NAV3: variants seen among roughly 807,000 people sequenced by gnomAD.
NAV3 encodes the protein neuron navigator 3.
NAV3 carries 87 observed loss-of-function variants against 244.7 expected under a neutral mutation model. The observed-to-expected ratio is 0.36, with a 90% CI of 0.30 to 0.42. The LOEUF (loss-of-function observed/expected upper bound fraction) is 0.42. Among genes scored for constraint, NAV3 ranks in the 20% least tolerant of loss-of-function variants. The pLI is 1.00. For missense variants in NAV3, 2,663 were observed against 2,893.3 expected, an observed-to-expected ratio of 0.92 and a Z score of 1.83; for synonymous variants, 1,126 against 1,042.2, an observed-to-expected ratio of 1.08 and a Z score of -1.55.
At chr12:77,587,337 C>T (rs763827676) in intron 2 of NAV3, among the ~76,000 whole-genome samples, 1 of 152,036 alleles carries the variant, frequency 6.6e-6, no homozygotes, top group African/African-American at 2.4e-5. Flanking sequence ...CCATAAAATA[C>T]TTACAAAAAT....
rs79604078 is a variant in NAV3, at chr12:77,593,155, G to A, written c.72+20889G>A. On this transcript the variant is annotated intron_variant, in intron 2 of 8. Coordinates refer to the NAV3 transcript ENST00000550042. ...GAAGAGAAACCCAAATCAACCCATG[G>A]GTGTCTAAAAATGATTATAGTTTAA... 8.5e-3 allele frequency among the ~76,000 whole-genome samples: 1,295 copies of A among 151,894 alleles called. 15 individuals are homozygous for A. The highest frequency in any genetic ancestry group is 0.029 in the African/African-American group (1,206 of 41,408).
intron 23 of NAV3, among the ~76,000 whole-genome samples, chr12:78,167,530 A>G (rs559010473): frequency 4.7e-5 from 7 of 148,678 alleles, no homozygotes; most frequent in African/African-American, 1.7e-4. Flanking sequence ...TTTTTTTTTT[A>G]AAGTGTCTAA....
chr12:78,119,771 T>A lies in NAV3; in HGVS notation c.3575T>A (p.Val1192Asp), dbSNP rs1471546561. The A allele has an allele frequency of 6.2e-7, 1 of 1,614,010 alleles. No homozygotes were observed. Among genetic ancestry groups the A allele is most frequent in the Non-Finnish European group, 8.5e-7 (1 of 1,179,990 alleles). ...ATTGGGTCAGGGCGCTCGAGTCCTGTCACCGTCAACCAAACAGACAAGGAA... is the reference window on the plus strand; with the variant it reads ...ATTGGGTCAGGGCGCTCGAGTCCTGACACCGTCAACCAAACAGACAAGGAA... ...TKIGSGRSSP[V>D]TVNQTDKEKE... Residue 1192 changes from valine to aspartate, a missense_variant, in exon 15 of 40, where the codon GTC becomes GAC. Physicochemically the swap from Val to Asp is radical, Grantham distance 152. This residue lies in a region of NAV3 where 1,521 missense variants were observed against 1,497.0 expected (regional missense o/e 1.02). Transcript: ENST00000397909.
At chr12:77,590,286 G>A (rs1869847464) in intron 2 of NAV3, among the ~76,000 whole-genome samples, 1 of 152,160 alleles carries the variant, frequency 6.6e-6, no homozygotes, top group Non-Finnish European at 1.5e-5. Context: ...CTCCTGGCCT[G>A]CCTTTGGCTT....
At chr12:78,170,188 A>C (rs1260519636) in intron 24 of NAV3, among the ~76,000 whole-genome samples, 1 of 151,638 alleles carries the variant, frequency 6.6e-6, no homozygotes, top group Non-Finnish European at 1.5e-5. Flanking sequence ...TCTTAAACCT[A>C]ACTTCTCCAA....
At chr12:77,789,160 A>G (rs1165072602) in intron 2 of NAV3, among the ~76,000 whole-genome samples, 2 of 152,140 alleles carry the variant, frequency 1.3e-5, no homozygotes, top group Non-Finnish European at 2.9e-5. Context: ...AATTTCCCTT[A>G]ATCAGATCCA....
rs540303583 is a variant in NAV3, at chr12:77,913,546, A to G, written c.244-26773A>G. Among the ~76,000 whole-genome samples, 489 of 152,208 alleles carry G rather than the reference A, an allele frequency of 3.2e-3. 1 individual carries two copies. The highest frequency in any genetic ancestry group is 5.3e-3 in the Non-Finnish European group (359 of 67,982). Reference sequence around the variant, plus strand: ...TACTAGGCATTACTCTAAGAGTTGCATTACATACTATATTAACATAGTTTG... The same window carrying G: ...TACTAGGCATTACTCTAAGAGTTGCGTTACATACTATATTAACATAGTTTG... On this transcript the variant is annotated intron_variant, in intron 1 of 39. Transcript: ENST00000397909.
intron 12 of NAV3, among the ~76,000 whole-genome samples, chr12:78,084,069 T>C (rs972136146): frequency 6.6e-6 from 1 of 152,224 alleles, no homozygotes; most frequent in African/African-American, 2.4e-5. Context: ...ACTGATTTCA[T>C]AGTATGTTCA....
At chr12:77,640,166 G>A (rs1465076144) in intron 2 of NAV3, among the ~76,000 whole-genome samples, 2 of 152,086 alleles carry the variant, frequency 1.3e-5, no homozygotes, top group Non-Finnish European at 2.9e-5. Flanking sequence ...TAGAAAAGTA[G>A]AAGATTGTAA....
chr12:78,203,938 T>C (rs2140074498), intron 38 of NAV3, among the ~76,000 whole-genome samples: 1 of 152,126 alleles, frequency 6.6e-6, no homozygotes, highest in Middle Eastern at 3.4e-3. Flanking sequence ...TTAACATCTC[T>C]TGGATTTATC....
chr12:77,776,074 G>A (rs1870339917), intron 2 of NAV3, among the ~76,000 whole-genome samples: 1 of 152,116 alleles, frequency 6.6e-6, no homozygotes, highest in Non-Finnish European at 1.5e-5. Flanking sequence ...ATTGGGGAAG[G>A]CACAACCTGC....
At chr12:77,723,183 T>C (rs879445177) in intron 2 of NAV3, among the ~76,000 whole-genome samples, 22 of 151,984 alleles carry the variant, frequency 1.4e-4, no homozygotes, top group Non-Finnish European at 1.5e-4. Context: ...ACAATGGTAC[T>C]GGGAGATGGT....
chr12:78,173,996 G>A (rs1266468244), intron 24 of NAV3, among the ~76,000 whole-genome samples: 1 of 151,654 alleles, frequency 6.6e-6, no homozygotes, highest in Non-Finnish European at 1.5e-5. Context: ...CAGTAAATCA[G>A]TCAATTGAAG....
chr12:77,815,436 AG>A (rs1392901032), intron 2 of NAV3, among the ~76,000 whole-genome samples: 1 of 152,208 alleles, frequency 6.6e-6, no homozygotes, highest in Non-Finnish European at 1.5e-5. Flanking sequence ...TACAGCATAT[AG>A]ATTTTCAGGA....
chr12:77,849,103 CT>C (rs1877088465), intron 1 of NAV3, among the ~76,000 whole-genome samples: 2 of 152,056 alleles, frequency 1.3e-5, no homozygotes, highest in Admixed American at 1.3e-4. Flanking sequence ...ATCATTCAAG[CT>C]TCCCCCAATG....
At position 78,018,844 on chromosome 12, in the gene NAV3, C is replaced by T. The variant is rs57814969; in HGVS notation, c.1908-2903C>T. Among the ~76,000 whole-genome samples, 730 of 152,184 alleles carry T rather than the reference C, an allele frequency of 4.8e-3. 7 individuals carry two copies. The highest frequency in any genetic ancestry group is 0.016 in the African/African-American group (683 of 41,514). ...CACTTCAGAGGATTGTTTTTCCCTT[C>T]GTTCAGAGACAATAGGTTAGGCAAG... On this transcript the variant is annotated intron_variant, in intron 8 of 39. Transcript: ENST00000397909.
At chr12:78,060,845 G>A (rs1884223718) in intron 12 of NAV3, among the ~76,000 whole-genome samples, 1 of 152,102 alleles carries the variant, frequency 6.6e-6, no homozygotes, top group Non-Finnish European at 1.5e-5. Context: ...CGTCATGGGA[G>A]GGAATATCTG....
chr12:77,807,953 C>T (rs777502244), intron 2 of NAV3, among the ~76,000 whole-genome samples: 11 of 151,966 alleles, frequency 7.2e-5, no homozygotes, highest in Non-Finnish European at 1.3e-4. Flanking sequence ...ACTTTTCTTC[C>T]GCTTGATGGA....
chr12:77,718,774 C>T (rs1265654175), intron 2 of NAV3, among the ~76,000 whole-genome samples: 1 of 152,084 alleles, frequency 6.6e-6, no homozygotes, highest in African/African-American at 2.4e-5. Context: ...TCTCCTGCCT[C>T]AGCCTCCCAA....
Sources: gnomAD v4.1 joint callset for allele counts (sites outside exome capture counted in the v4.1 genomes callset) on GRCh38, gnomAD v4.1.1 for gene constraint, gnomAD v4.1.1 regional missense constraint, MANE v1.5 for transcripts, NCBI Gene and HGNC (gene_info 2026-07-23, HGNC 2026-07-21) for gene names.